The following CNTNAP4 variants were observed in gnomAD, a reference collection of about 807,000 sequenced individuals.
The protein encoded by CNTNAP4 is contactin-associated protein-like 4.
A neutral mutation model predicts 148.4 loss-of-function variants in CNTNAP4; 98 were observed. That is an observed-to-expected ratio of 0.66 (90% confidence interval 0.56 to 0.78). The LOEUF (loss-of-function observed/expected upper bound fraction) is 0.78, where lower values mean the gene tolerates loss of function less well. CNTNAP4 is among the 30% of genes least tolerant of loss of function. The pLI, the probability that CNTNAP4 is intolerant of heterozygous loss-of-function variation, is 0.00. For synonymous variants in CNTNAP4, 730 were observed against 565.1 expected, an observed-to-expected ratio of 1.29 and a Z score of -4.14; for missense variants, 1,935 against 1,565.6, an observed-to-expected ratio of 1.24 and a Z score of -3.98.
intron 21 of CNTNAP4, among the ~76,000 whole-genome samples, chr16:76,542,028 A>G (rs940295175): frequency 2.0e-5 from 3 of 152,208 alleles, no homozygotes; most frequent in African/African-American, 7.2e-5. Flanking sequence ...TGAAATGACG[A>G]TTCTACTTTA....
intron 1 of CNTNAP4, among the ~76,000 whole-genome samples, chr16:76,307,017 A>G (rs1960546538): frequency 6.6e-6 from 1 of 152,178 alleles, no homozygotes. Context: ...GGTCACTAAC[A>G]AAGAGACAAA....
chr16:76,419,432 G>T (rs2079104101), intron 3 of CNTNAP4, among the ~76,000 whole-genome samples: 1 of 151,962 alleles, frequency 6.6e-6, no homozygotes, highest in African/African-American at 2.4e-5. Context: ...AATCTTCATA[G>T]AATGCATGGA....
chr16:76,426,448 A>G (rs2079406219), intron 3 of CNTNAP4, among the ~76,000 whole-genome samples: 2 of 152,142 alleles, frequency 1.3e-5, no homozygotes, highest in Non-Finnish European at 2.9e-5. Context: ...GAGGTGGAGG[A>G]GAGGAGAAGG....
chr16:76,339,017 G>A (rs1216784914), intron 2 of CNTNAP4, among the ~76,000 whole-genome samples: 2 of 152,064 alleles, frequency 1.3e-5, no homozygotes, highest in Non-Finnish European at 2.9e-5. Context: ...AAAATTGAGG[G>A]TAGTAGTAGT....
At chr16:76,366,697 GC>G (rs2014177810) in intron 3 of CNTNAP4, among the ~76,000 whole-genome samples, 1 of 151,984 alleles carries the variant, frequency 6.6e-6, no homozygotes, top group Non-Finnish European at 1.5e-5. Context: ...TTGAGGAATT[GC>G]CATACTGCTT....
At chr16:76,525,739 TTG>T (rs1466357025) in intron 17 of CNTNAP4, among the ~76,000 whole-genome samples, 2 of 26,452 alleles carry the variant, frequency 7.6e-5, no homozygotes, top group Admixed American at 1.3e-3. Flanking sequence ...AAACTATATA[TTG>T]TATATAATAT....
At chr16:76,475,219 A>T (rs536751704) in intron 10 of CNTNAP4, among the ~76,000 whole-genome samples, 17 of 152,300 alleles carry the variant, frequency 1.1e-4, no homozygotes, top group Admixed American at 1.3e-4. Flanking sequence ...TTTTTGTTCA[A>T]TATTGATTTC....
intron 3 of CNTNAP4, among the ~76,000 whole-genome samples, chr16:76,406,952 A>G (rs2078618395): frequency 6.8e-6 from 1 of 147,774 alleles, no homozygotes; most frequent in Non-Finnish European, 1.5e-5. Flanking sequence ...TGGCTACACT[A>G]AACAACAGAT....
intron 1 of CNTNAP4, among the ~76,000 whole-genome samples, chr16:76,293,835 T>A (rs79967495): frequency 0.02 from 2,959 of 146,058 alleles, 43 homozygotes; most frequent in African/African-American, 0.037. Flanking sequence ...TTTTTTTTTT[T>A]AAAAAAAAGG....
intron 2 of CNTNAP4, among the ~76,000 whole-genome samples, chr16:76,317,719 GTGTGTGTA>G (rs1961949770): frequency 6.6e-6 from 1 of 150,602 alleles, no homozygotes; most frequent in Admixed American, 6.6e-5. Flanking sequence ...GTGTGTGTGT[GTGTGTGTA>G]TGTGTGTGTG....
At chr16:76,439,097 T>C (rs2145131745) in intron 4 of CNTNAP4, among the ~76,000 whole-genome samples, 1 of 152,288 alleles carries the variant, frequency 6.6e-6, no homozygotes, top group Admixed American at 6.5e-5. Context: ...CCTGCTCTCT[T>C]CCTTCGGGAT....
intron 3 of CNTNAP4, among the ~76,000 whole-genome samples, chr16:76,396,576 G>A (rs1321494308): frequency 1.3e-5 from 2 of 150,996 alleles, no homozygotes; most frequent in Non-Finnish European, 2.9e-5. Context: ...TTTTTGTTTT[G>A]TTCCATTACA....
At chr16:76,480,599 A>G (rs897831546) in intron 12 of CNTNAP4, among the ~76,000 whole-genome samples, 2 of 152,080 alleles carry the variant, frequency 1.3e-5, no homozygotes, top group South Asian at 2.1e-4. Context: ...TTAGCTGGGC[A>G]TGGTGGCATG....
At chr16:76,416,199 C>G (rs901329125) in intron 3 of CNTNAP4, among the ~76,000 whole-genome samples, 2 of 151,152 alleles carry the variant, frequency 1.3e-5, no homozygotes, top group South Asian at 2.1e-4. Context: ...TCTTAGCAAA[C>G]TTTTGAAAGA....
In CNTNAP4 at chr16:76,528,350, A is replaced by G. The variant is rs1204126881; in HGVS notation, c.2755+6093A>G. Among the ~76,000 whole-genome samples, 3 of 152,140 alleles carry G rather than the reference A, an allele frequency of 2.0e-5. No homozygotes were observed. The East Asian group carries it at 5.8e-4, about 30-fold the overall frequency. On this transcript the variant is annotated intron_variant, in intron 17 of 23. Transcript: ENST00000611870. ...GTGCAATCTTGGCTCACTGCAACCT[A>G]CGCCTCCCAGGCTCAGGTGATCCTC...
intron 3 of CNTNAP4, among the ~76,000 whole-genome samples, chr16:76,398,016 A>T (rs914610212): frequency 5.1e-5 from 6 of 118,060 alleles, no homozygotes; most frequent in Admixed American, 9.7e-5. Flanking sequence ...TTTATTAAGG[A>T]GTATTGACTC....
intron 3 of CNTNAP4, among the ~76,000 whole-genome samples, chr16:76,409,527 C>G (rs2078717952): frequency 6.6e-6 from 1 of 151,902 alleles, no homozygotes; most frequent in Non-Finnish European, 1.5e-5. Context: ...CTGCATGGTA[C>G]TATAATTACA....
At chr16:76,476,110 A>C in intron 11 of CNTNAP4, 65 bp downstream of exon 11, 1 of 1,093,948 alleles carries the variant, frequency 9.1e-7, no homozygotes, top group Non-Finnish European at 1.4e-6. Flanking sequence ...TTCCCTTTTC[A>C]TTGCTGTGTG....
At chr16:76,552,235 C>T (rs918087405) in intron 21 of CNTNAP4, among the ~76,000 whole-genome samples, 1 of 152,184 alleles carries the variant, frequency 6.6e-6, no homozygotes, top group East Asian at 1.9e-4. Flanking sequence ...GGGAAACTGC[C>T]TCCACGATCC....
Sources: allele counts gnomAD v4.1 joint callset (sites outside exome capture counted in the v4.1 genomes callset), GRCh38; gene constraint gnomAD v4.1.1; transcripts MANE v1.5; gene names NCBI Gene and HGNC (gene_info 2026-07-23, HGNC 2026-07-21).